Variants in EYS observed in about 807,000 individuals in gnomAD.
The protein encoded by EYS is protein eyes shut homolog.
In EYS, 250 loss-of-function variants were observed where a neutral mutation model predicts 282.1. The ratio of observed to expected loss-of-function variants is 0.89; its 90% CI spans 0.80 to 0.98. EYS has a LOEUF of 0.98. EYS is among the 50% of genes least tolerant of loss of function. The pLI is 0.00. For synonymous variants in EYS, 1,355 were observed against 1,282.9 expected, an observed-to-expected ratio of 1.06 and a Z score of -1.20; for missense variants, 4,016 against 3,709.0, an observed-to-expected ratio of 1.08 and a Z score of -2.15.
intron 12 of EYS, among the ~76,000 whole-genome samples, chr6:65,245,540 A>C (rs1017231862): frequency 6.6e-6 from 1 of 152,132 alleles, no homozygotes; most frequent in Admixed American, 6.5e-5. Context: ...TCAGCTTATT[A>C]TTCTCATATC....
intron 26 of EYS, among the ~76,000 whole-genome samples, chr6:64,442,850 G>T (rs554781014): frequency 5.0e-5 from 4 of 80,260 alleles, no homozygotes; most frequent in Non-Finnish European, 1.2e-4. Context: ...GCAGGAGTTT[G>T]CTATAGGGGC....
intron 40 of EYS, among the ~76,000 whole-genome samples, chr6:63,765,787 C>G (rs1185173836): frequency 6.6e-6 from 1 of 151,986 alleles, no homozygotes; most frequent in African/African-American, 2.4e-5. Flanking sequence ...ATCCCCACCT[C>G]CCTGTTACCT....
At chr6:64,699,806 G>A (rs1200592433) in intron 22 of EYS, among the ~76,000 whole-genome samples, 1 of 152,082 alleles carries the variant, frequency 6.6e-6, no homozygotes, top group Non-Finnish European at 1.5e-5. Flanking sequence ...AACTCTTCAA[G>A]AAATTCGAAG....
intron 12 of EYS, among the ~76,000 whole-genome samples, chr6:65,069,711 A>T (rs1773851038): frequency 6.6e-6 from 1 of 151,870 alleles, no homozygotes; most frequent in Non-Finnish European, 1.5e-5. Context: ...CTCATACATT[A>T]TACTGGTTTT....
chr6:63,889,101 G>A (rs1203923716), intron 35 of EYS, among the ~76,000 whole-genome samples: 3 of 152,110 alleles, frequency 2.0e-5, no homozygotes, highest in South Asian at 4.1e-4. Context: ...AAAAAGAATG[G>A]AAAGGAATAA....
intron 31 of EYS, among the ~76,000 whole-genome samples, chr6:64,095,939 G>A (rs573704845): frequency 3.4e-4 from 52 of 152,282 alleles, no homozygotes; most frequent in Non-Finnish European, 6.2e-4. Flanking sequence ...AGCTCTTTTA[G>A]AGCAGGCCTG....
intron 31 of EYS, among the ~76,000 whole-genome samples, chr6:64,163,844 G>A (rs1393090137): frequency 3.3e-5 from 5 of 152,068 alleles, no homozygotes; most frequent in Admixed American, 6.6e-5. Flanking sequence ...AGCTGTTAGA[G>A]TCTGAGAAGC....
At chr6:65,618,144 G>A (rs1766291311) in intron 2 of EYS, among the ~76,000 whole-genome samples, 1 of 152,116 alleles carries the variant, frequency 6.6e-6, no homozygotes, top group South Asian at 2.1e-4. Flanking sequence ...TTCCACAATG[G>A]TTGAACTAGT....
At chr6:65,365,482 A>G (rs1034830712) in intron 8 of EYS, among the ~76,000 whole-genome samples, 19 of 151,030 alleles carry the variant, frequency 1.3e-4, no homozygotes, top group Non-Finnish European at 1.2e-4. Context: ...ATAGGTGGAC[A>G]CTATTTTCAA....
At chr6:64,733,973 A>G (rs1772073465) in intron 22 of EYS, 1 of 153,100 alleles carries the variant, frequency 6.5e-6, no homozygotes, top group South Asian at 2.1e-4. Flanking sequence ...ATGAAGAAGT[A>G]TTTTTTAAAT....
intron 37 of EYS, among the ~76,000 whole-genome samples, chr6:63,803,504 A>G (rs1405311218): frequency 1.3e-5 from 2 of 152,164 alleles, no homozygotes; most frequent in African/African-American, 2.4e-5. Flanking sequence ...CCACATCCTA[A>G]TGCAGAACAG....
chr6:65,474,015 T>C (rs1765311894), intron 5 of EYS, among the ~76,000 whole-genome samples: 1 of 151,910 alleles, frequency 6.6e-6, no homozygotes. Flanking sequence ...ACCAAAAAAT[T>C]TGAAGTAAGA....
At chr6:65,534,974 T>C (rs1034251698) in intron 2 of EYS, among the ~76,000 whole-genome samples, 2 of 152,150 alleles carry the variant, frequency 1.3e-5, no homozygotes, top group African/African-American at 2.4e-5. Flanking sequence ...TGAAAAATCA[T>C]ACTGATGAGA....
intron 35 of EYS, among the ~76,000 whole-genome samples, chr6:63,879,520 C>T (rs1773072017): frequency 6.6e-6 from 1 of 152,106 alleles, no homozygotes; most frequent in Admixed American, 6.5e-5. Flanking sequence ...ATCCATTGTA[C>T]TTATCTAAAT....
intron 23 of EYS, among the ~76,000 whole-genome samples, chr6:64,618,426 A>G (rs754432294): frequency 6.6e-6 from 1 of 152,130 alleles, no homozygotes; most frequent in Non-Finnish European, 1.5e-5. Flanking sequence ...CTCACTGCTC[A>G]CTGACTATGC....
At chr6:64,837,624 T>C (rs1447002218) in intron 19 of EYS, among the ~76,000 whole-genome samples, 1 of 147,636 alleles carries the variant, frequency 6.8e-6, no homozygotes, top group Non-Finnish European at 1.5e-5. Context: ...ATATGATATG[T>C]ATATGATAGA....
intron 13 of EYS, among the ~76,000 whole-genome samples, chr6:65,027,659 T>C (rs906853428): frequency 5.9e-5 from 9 of 152,198 alleles, no homozygotes; most frequent in Admixed American, 2.0e-4. Flanking sequence ...AATCATGCAA[T>C]AGGTACCTTT....
intron 36 of EYS, among the ~76,000 whole-genome samples, chr6:63,834,048 C>T (rs1222386275): frequency 6.6e-6 from 1 of 152,102 alleles, no homozygotes; most frequent in African/African-American, 2.4e-5. Flanking sequence ...ACACCTTATA[C>T]AAAAATTAAT....
At chr6:65,266,162 A>G (rs1227649028) in intron 12 of EYS, among the ~76,000 whole-genome samples, 1 of 151,906 alleles carries the variant, frequency 6.6e-6, no homozygotes, top group Non-Finnish European at 1.5e-5. Context: ...TCCTTCAGAT[A>G]ATTGGTATAA....
Sources: allele counts gnomAD v4.1 joint callset (sites outside exome capture counted in the v4.1 genomes callset), GRCh38; gene constraint gnomAD v4.1.1; transcripts MANE v1.5; gene names NCBI Gene and HGNC (gene_info 2026-07-23, HGNC 2026-07-21).